The following ADAM2 variants were observed in gnomAD, a reference collection of about 807,000 sequenced individuals.
ADAM2 encodes disintegrin and metalloproteinase domain-containing protein 2.
ADAM2 carries 101 observed loss-of-function variants against 99.3 expected under a neutral mutation model. The observed-to-expected ratio is 1.02, with a 90% CI of 0.87 to 1.20. The LOEUF (loss-of-function observed/expected upper bound fraction) is 1.20, where lower values mean the gene tolerates loss of function less well. ADAM2 is among the 50% of genes most tolerant of loss of function. The probability of loss-of-function intolerance (pLI) is 0.00; values close to 1 mark genes in which losing one functional copy is unlikely to be tolerated. For synonymous variants in ADAM2, 323 were observed against 287.6 expected (o/e 1.12, Z -1.25); for missense variants, 948 against 878.7 (o/e 1.08, Z -1.00).
At chr8:39,747,502 A>G (rs1027763965) in intron 18 of ADAM2, among the ~76,000 whole-genome samples, 3 of 152,166 alleles carry the variant, frequency 2.0e-5, no homozygotes, top group Admixed American at 2.0e-4. Flanking sequence ...AGAGTCTCTA[A>G]GATATATCAA....
Position 39,826,450 on chromosome 8 carries a change from G to A in ADAM2, c.189-1553C>T, listed in dbSNP as rs369808570. 2.9e-4 allele frequency among the ~76,000 whole-genome samples: 44 copies of A among 152,256 alleles called. No homozygotes were observed. The South Asian group carries it at 7.5e-3, about 26-fold the overall frequency. ...ATTAAAAAAGCACTCAAGGCCAGGA[G>A]CAGTGGCTCACGCCTGTAATCCCAG... On this transcript the variant is annotated intron_variant, in intron 3 of 20. Transcript: ENST00000265708.
At position 39,787,130 on chromosome 8, in the gene ADAM2, AT is replaced by A; in HGVS notation, c.810-76del. ...TGAATTTTTATAAGACAAATTTTAC[AT>A]TTATGATAATCATTAATATTTACAT... On this transcript the variant is annotated intron_variant, in intron 9 of 20. Coordinates refer to ENST00000265708, the MANE Select transcript of ADAM2 (RefSeq NM_001464.5). 3 of 857,032 alleles carry A rather than the reference AT, an allele frequency of 3.5e-6. No homozygotes were observed. The South Asian group carries it at 6.1e-5, about 17-fold the overall frequency. 53.1% of individuals were successfully genotyped at this position (857,032 alleles called of 1,614,324 possible). A position where few individuals can be genotyped will look rare whatever the true frequency, so the allele number is the denominator to read the frequency against.
chr8:39,759,992 G>C (rs778837751), intron 15 of ADAM2, among the ~76,000 whole-genome samples: 1 of 151,902 alleles, frequency 6.6e-6, no homozygotes, highest in Non-Finnish European at 1.5e-5. Flanking sequence ...TCAGCCTCTC[G>C]AGTAGCTGGG....
At chr8:39,792,112 C>G (rs2122991) in intron 7 of ADAM2, among the ~76,000 whole-genome samples, 5,650 of 151,208 alleles carry the variant, frequency 0.037, 352 homozygotes, top group African/African-American at 0.13. Flanking sequence ...CTCCAAGAAA[C>G]CCAAGGCACA....
intron 6 of ADAM2, among the ~76,000 whole-genome samples, chr8:39,811,991 C>T (rs1462348189): frequency 6.6e-6 from 1 of 152,006 alleles, no homozygotes; most frequent in Admixed American, 6.6e-5. Context: ...TTAAATTGTC[C>T]CTGTTTGCAG....
At chr8:39,818,104 G>C (rs1258231857) in intron 6 of ADAM2, 1 of 151,586 alleles carries the variant, frequency 6.6e-6, no homozygotes, top group Non-Finnish European at 1.5e-5. Context: ...TGATACCAAA[G>C]ACAGAGAAAA....
chr8:39,787,386 TG>T lies in ADAM2; in HGVS notation c.810-332del, dbSNP rs752293736. On this transcript the variant is annotated intron_variant, in intron 9 of 20. Coordinates refer to ENST00000265708, the MANE Select transcript of ADAM2 (RefSeq NM_001464.5). ...AGTAAAAAGCTAAGGCAATGCAACTTGTTAATGAGCAGAATCACTCTATGGA... is the reference window on the plus strand; with the variant it reads ...AGTAAAAAGCTAAGGCAATGCAACTTTTAATGAGCAGAATCACTCTATGGA... 8.3e-4 allele frequency among the ~76,000 whole-genome samples: 126 copies of T among 151,464 alleles called. 1 individual carries two copies. Among genetic ancestry groups the T allele is most frequent in the Non-Finnish European group, 1.2e-3 (84 of 67,668 alleles).
chr8:39,798,853 G>A lies in ADAM2; in HGVS notation c.571-10113C>T, dbSNP rs141261754. ...AGAGGTGTTTATACTATTCTCTGATGGTAGCTTGTATTTCCATGGGGTCAG... is the reference window on the plus strand; with the variant it reads ...AGAGGTGTTTATACTATTCTCTGATAGTAGCTTGTATTTCCATGGGGTCAG... On this transcript the variant is annotated intron_variant, in intron 7 of 20. Coordinates refer to ENST00000265708, the MANE Select transcript of ADAM2 (RefSeq NM_001464.5). 7.7e-3 allele frequency among the ~76,000 whole-genome samples: 1,178 copies of A among 152,110 alleles called. 14 individuals are homozygous for A. The highest frequency in any genetic ancestry group is 0.027 in the African/African-American group (1,128 of 41,500).
intron 1 of ADAM2, 51 bp from the exon 2 acceptor site, chr8:39,837,263 C>A (rs747974672): frequency 2.2e-6 from 3 of 1,348,774 alleles, no homozygotes; most frequent in Non-Finnish European, 3.1e-6. Context: ...CATTTCAGAG[C>A]GTGTTTTATG....
chr8:39,813,210 C>T (rs1040487322), intron 6 of ADAM2, among the ~76,000 whole-genome samples: 1 of 152,126 alleles, frequency 6.6e-6, no homozygotes. Context: ...CAAGTCAAAA[C>T]TACAATGAGA....
At chr8:39,829,034 A>G (rs1055623035) in intron 3 of ADAM2, among the ~76,000 whole-genome samples, 5 of 151,936 alleles carry the variant, frequency 3.3e-5, no homozygotes, top group African/African-American at 1.2e-4. Flanking sequence ...ACAGAAAGAT[A>G]GAAGATTCAA....
At chr8:39,761,817 C>G (rs1052338495) in intron 14 of ADAM2, among the ~76,000 whole-genome samples, 4 of 152,174 alleles carry the variant, frequency 2.6e-5, no homozygotes, top group African/African-American at 9.7e-5. Flanking sequence ...CGCGGTGGTT[C>G]ATGCCTGTAA....
At chr8:39,795,513 C>A (rs1054601376) in intron 7 of ADAM2, among the ~76,000 whole-genome samples, 2 of 152,160 alleles carry the variant, frequency 1.3e-5, no homozygotes, top group African/African-American at 2.4e-5. Context: ...CTCCTTCAAT[C>A]ATTTAACAAT....
At chr8:39,755,194 T>C (rs1419151050) in intron 16 of ADAM2, among the ~76,000 whole-genome samples, 1 of 152,200 alleles carries the variant, frequency 6.6e-6, no homozygotes, top group Non-Finnish European at 1.5e-5. Flanking sequence ...AACAACGCAG[T>C]TCTCAATTCA....
In ADAM2 at chr8:39,767,144, A is replaced by G; in HGVS notation, c.1311+9T>C. On this transcript the variant is annotated intron_variant, in intron 13 of 20. Transcript: ENST00000265708. ...TAGGTAATATTGAAATTTTTCAAAA[A>G]GCTCTTACTAGACAGTTTTCGCAGC... The G allele has an allele frequency of 1.2e-6, 2 of 1,600,992 alleles. No homozygotes were observed. The highest frequency in any genetic ancestry group is 1.7e-6 in the Non-Finnish European group (2 of 1,175,974).
rs1387121869 is a variant in ADAM2, at chr8:39,749,727, T to C, written c.1815A>G (p.Arg605=). The change falls in exon 17 of 21, where the codon AGA becomes AGG. Residue 605 remains arginine (R), a synonymous_variant. Transcript: ENST00000265708. ...CGSNKVCRNQ[R]CVSSSYLGYD... Reference sequence around the variant, plus strand: ...AACCCAAGTATGAAGAACTCACACATCTTTGATTCCTGCAAACCTAAAAAG... The same window carrying C: ...AACCCAAGTATGAAGAACTCACACACCTTTGATTCCTGCAAACCTAAAAAG... 5 of 1,612,104 alleles carry C rather than the reference T, an allele frequency of 3.1e-6. No homozygotes were observed. The Admixed American group carries it at 6.7e-5, about 22-fold the overall frequency.
intron 7 of ADAM2, among the ~76,000 whole-genome samples, chr8:39,791,404 A>G (rs1338269755): frequency 8.5e-5 from 13 of 152,076 alleles, no homozygotes; most frequent in Admixed American, 7.9e-4. Flanking sequence ...TGCCTGGTTC[A>G]TGAATTGTAT....
At chr8:39,817,350 G>A (rs533673714) in intron 6 of ADAM2, among the ~76,000 whole-genome samples, 6 of 152,180 alleles carry the variant, frequency 3.9e-5, no homozygotes, top group East Asian at 3.9e-4. Flanking sequence ...GGGGAGGAAC[G>A]GATGGGGAAA....
intron 16 of ADAM2, among the ~76,000 whole-genome samples, chr8:39,750,888 T>TA (rs1489851456): frequency 1.3e-5 from 2 of 152,300 alleles, no homozygotes; most frequent in African/African-American, 2.4e-5. Context: ...CTCATACAAA[T>TA]ACTCAAAGCG....
Sources: allele counts gnomAD v4.1 joint callset (sites outside exome capture counted in the v4.1 genomes callset), GRCh38; gene constraint gnomAD v4.1.1; transcripts MANE v1.5; gene names NCBI Gene and HGNC (gene_info 2026-07-23, HGNC 2026-07-21).